CAMTA1: variants seen among roughly 807,000 people sequenced by gnomAD.
The protein encoded by CAMTA1 is calmodulin-binding transcription activator 1.
Under a neutral mutation model 170.9 loss-of-function variants are expected in CAMTA1, and 27 were observed. That is an observed-to-expected ratio of 0.16 (90% CI 0.12 to 0.22). CAMTA1 has a LOEUF of 0.22. CAMTA1 is among the 10% of genes least tolerant of loss of function. CAMTA1 has a pLI of 1.00. For synonymous variants in CAMTA1, 833 were observed against 891.5 expected (o/e 0.93, Z 1.17); for missense variants, 1,619 against 2,217.2 (o/e 0.73, Z 5.42).
intron 4 of CAMTA1, among the ~76,000 whole-genome samples, chr1:7,139,051 AT>A (rs919572910): frequency 4.2e-5 from 6 of 143,388 alleles, no homozygotes; most frequent in African/African-American, 1.5e-4. Flanking sequence ...ATAAATATAT[AT>A]TTATATTTAT....
chr1:7,287,538 A>G (rs185385938), intron 5 of CAMTA1, among the ~76,000 whole-genome samples: 115 of 152,258 alleles, frequency 7.6e-4, no homozygotes, highest in African/African-American at 2.6e-3. Flanking sequence ...TGGTCAGGCT[A>G]GGTTAGGCCA....
At chr1:7,689,853 A>C (rs1001804311) in intron 11 of CAMTA1, among the ~76,000 whole-genome samples, 4 of 152,114 alleles carry the variant, frequency 2.6e-5, no homozygotes, top group African/African-American at 9.7e-5. Flanking sequence ...TAGGACACAA[A>C]GGCAGATAAG....
At chr1:7,166,046 G>T (rs190479057) in intron 4 of CAMTA1, among the ~76,000 whole-genome samples, 5 of 148,038 alleles carry the variant, frequency 3.4e-5, no homozygotes, top group African/African-American at 7.7e-5. Flanking sequence ...CTCTCTAAGC[G>T]GGGGGGTGTG....
intron 6 of CAMTA1, among the ~76,000 whole-genome samples, chr1:7,492,580 C>A (rs1462825810): frequency 6.6e-6 from 1 of 151,002 alleles, no homozygotes; most frequent in African/African-American, 2.5e-5. Context: ...CAAACGCAAA[C>A]CTACATACAC....
chr1:7,395,330 C>T (rs1404195344), intron 5 of CAMTA1, among the ~76,000 whole-genome samples: 2 of 152,172 alleles, frequency 1.3e-5, no homozygotes, highest in African/African-American at 2.4e-5. Context: ...AAAGACTGCC[C>T]TTTCCCCAGT....
In CAMTA1 at chr1:7,588,571, A is replaced by G. The variant is rs2095330173; in HGVS notation, c.511-51829A>G. 6.6e-6 allele frequency among the ~76,000 whole-genome samples: 1 copy of G among 151,952 alleles called. No individual in the cohort carries two copies. Reference sequence around the variant, plus strand: ...AGGTCTTGCAGACTCCAGACCTTGGACTCTCGGGTCCCATGCAGCTCCAGG... The same window carrying G: ...AGGTCTTGCAGACTCCAGACCTTGGGCTCTCGGGTCCCATGCAGCTCCAGG... On this transcript the variant is annotated intron_variant, in intron 6 of 22. Coordinates refer to ENST00000303635, the MANE Select transcript of CAMTA1 (RefSeq NM_015215.4). This position sits in a 1 kb window ranked among gnomAD's most constrained non-coding sequence, Gnocchi z 5.8.
At chr1:7,646,447 AG>A (rs1330462134) in intron 7 of CAMTA1, among the ~76,000 whole-genome samples, 6 of 133,688 alleles carry the variant, frequency 4.5e-5, no homozygotes, top group Non-Finnish European at 9.5e-5. Context: ...GGCCCTGTTG[AG>A]GCGGATGGAG....
At chr1:7,705,519 CGGGCGGGGCTG>C (rs2096508969) in intron 11 of CAMTA1, among the ~76,000 whole-genome samples, 1 of 148,754 alleles carries the variant, frequency 6.7e-6, no homozygotes, top group African/African-American at 2.5e-5. Context: ...CGGGCGCGCG[CGGGCGGGGCTG>C]GGGCGGCGTC....
chr1:7,272,692 C>CAAAAAAAAAAAAAAAAAAAAAAAAAAAA lies in CAMTA1; in HGVS notation c.438+23090_438+23091insAAAAAAAAAAAAAAAAAAAAAAAAAAAA, dbSNP rs371588178. ...TCTGGGGCAACTGGATAAACACATG[C>CAAAAAAAAAAAAAAAAAAAAAAAAAAAA]AAAAAAAAAAAAAAAAAAAAAAAAG... On this transcript the variant is annotated intron_variant, in intron 5 of 22. Transcript: ENST00000303635. Among the ~76,000 whole-genome samples, 19 of 38,810 alleles carry CAAAAAAAAAAAAAAAAAAAAAAAAAAAA rather than the reference C, an allele frequency of 4.9e-4. 3 individuals carry two copies. The highest frequency in any genetic ancestry group is 8.4e-4 in the African/African-American group (9 of 10,758). The allele number at this position is 38,810 out of a possible 152,430, so 25.5% of individuals were successfully genotyped here.
chr1:7,331,785 T>C (rs1050918365), intron 5 of CAMTA1, among the ~76,000 whole-genome samples: 33 of 152,310 alleles, frequency 2.2e-4, no homozygotes, highest in African/African-American at 7.7e-4. Flanking sequence ...TCAACTGCAA[T>C]GGATGGGGAC....
intron 4 of CAMTA1, among the ~76,000 whole-genome samples, chr1:7,215,482 C>T (rs970962697): frequency 2.6e-5 from 4 of 152,354 alleles, no homozygotes; most frequent in African/African-American, 9.6e-5. Flanking sequence ...CAACCTCCGC[C>T]TTCCAGGTTC....
chr1:7,519,774 C>T (rs1214792016), intron 6 of CAMTA1, among the ~76,000 whole-genome samples: 9 of 151,840 alleles, frequency 5.9e-5, no homozygotes, highest in African/African-American at 2.2e-4. Context: ...ACAGGTGCCA[C>T]CATCTATCTG....
chr1:7,540,990 G>A (rs1174464911), intron 6 of CAMTA1, among the ~76,000 whole-genome samples: 1 of 152,198 alleles, frequency 6.6e-6, no homozygotes, highest in Non-Finnish European at 1.5e-5. Flanking sequence ...TGGGCACGTC[G>A]ACCTGGAGAA....
At chr1:7,321,316 T>C (rs1472150311) in intron 5 of CAMTA1, among the ~76,000 whole-genome samples, 1 of 152,230 alleles carries the variant, frequency 6.6e-6, no homozygotes, top group African/African-American at 2.4e-5. Context: ...TTCTGATGGT[T>C]AAGCACTAGC....
intron 5 of CAMTA1, among the ~76,000 whole-genome samples, chr1:7,309,287 A>ATTTTT (rs34401498): frequency 1.4e-4 from 10 of 70,544 alleles, no homozygotes; most frequent in East Asian, 1.0e-3. Context: ...CAGTTAGAAA[A>ATTTTT]TTTTTTTTTT....
At chr1:7,233,198 T>C (rs558788780) in intron 4 of CAMTA1, among the ~76,000 whole-genome samples, 2 of 152,330 alleles carry the variant, frequency 1.3e-5, no homozygotes, top group South Asian at 4.1e-4. Context: ...CAGATTTACA[T>C]TGGATTCTTA....
At chr1:7,605,136 C>A (rs2095476291) in intron 6 of CAMTA1, among the ~76,000 whole-genome samples, 1 of 152,188 alleles carries the variant, frequency 6.6e-6, no homozygotes, top group Non-Finnish European at 1.5e-5. Context: ...GGGTCAGGGA[C>A]CCACTTGAGG....
At chr1:6,863,329 C>T (rs1241068802) in intron 3 of CAMTA1, among the ~76,000 whole-genome samples, 1 of 152,188 alleles carries the variant, frequency 6.6e-6, no homozygotes, top group African/African-American at 2.4e-5. Context: ...CCCATTCCCT[C>T]CCCAACCCCT....
intron 3 of CAMTA1, among the ~76,000 whole-genome samples, chr1:7,077,230 T>G (rs1639415137): frequency 6.7e-6 from 1 of 149,248 alleles, no homozygotes; most frequent in Non-Finnish European, 1.5e-5. Flanking sequence ...AAAGGTTTTT[T>G]TTTTTTTTTT....
Sources: gnomAD v4.1 joint callset for allele counts (sites outside exome capture counted in the v4.1 genomes callset) on GRCh38, gnomAD v4.1.1 for gene constraint, Gnocchi (gnomAD v3.1) non-coding constraint, MANE v1.5 for transcripts, NCBI Gene and HGNC (gene_info 2026-07-23, HGNC 2026-07-21) for gene names.